The following WIPF3 variants were observed in gnomAD, a reference collection of about 807,000 sequenced individuals.
WIPF3 encodes WAS/WASL interacting protein family member 3, also known as WAS/WASL-interacting protein family member 3.
WIPF3 carries 33 observed loss-of-function variants against 38.9 expected under a neutral mutation model. That is an observed-to-expected ratio of 0.85 (90% CI 0.64 to 1.14). The LOEUF is 1.14. Among genes scored for constraint, WIPF3 ranks in the 50% most tolerant of loss-of-function variants. The probability of loss-of-function intolerance (pLI) is 0.00; values close to 1 mark genes in which losing one functional copy is unlikely to be tolerated. For synonymous variants in WIPF3, 324 were observed against 269.3 expected, an observed-to-expected ratio of 1.20 and a Z score of -1.99; for missense variants, 711 against 652.5, an observed-to-expected ratio of 1.09 and a Z score of -0.98.
At chr7:29,886,765 A>T (rs1434901578) in intron 5 of WIPF3, among the ~76,000 whole-genome samples, 3 of 151,926 alleles carry the variant, frequency 2.0e-5, no homozygotes, top group Admixed American at 6.6e-5. Context: ...TTAATACTGA[A>T]TTTTTTTTAT....
At chr7:29,845,401 A>G (rs1471592284) in intron 2 of WIPF3, among the ~76,000 whole-genome samples, 1 of 152,194 alleles carries the variant, frequency 6.6e-6, no homozygotes, top group African/African-American at 2.4e-5. Context: ...GGCCACACAA[A>G]ATTACTAAGT....
At chr7:29,816,312 T>C (rs998017121) in intron 1 of WIPF3, among the ~76,000 whole-genome samples, 3 of 151,814 alleles carry the variant, frequency 2.0e-5, no homozygotes, top group East Asian at 3.9e-4. Flanking sequence ...TTATTATTAT[T>C]ATTATCATCA....
intron 3 of WIPF3, among the ~76,000 whole-genome samples, chr7:29,877,649 A>G (rs2286143): frequency 0.027 from 4,090 of 152,284 alleles, 103 homozygotes; most frequent in East Asian, 0.069. Flanking sequence ...GATTGTCCAC[A>G]TGGGAGGCTG....
At chr7:29,890,292 C>T (rs1040382687) in intron 7 of WIPF3, among the ~76,000 whole-genome samples, 13 of 149,472 alleles carry the variant, frequency 8.7e-5, no homozygotes, top group African/African-American at 3.2e-4. Flanking sequence ...TTGGAGGCTG[C>T]AGTGAGCTAT....
intron 1 of WIPF3, among the ~76,000 whole-genome samples, chr7:29,826,128 G>C (rs1303134410): frequency 2.0e-5 from 3 of 152,190 alleles, no homozygotes; most frequent in South Asian, 2.1e-4. Flanking sequence ...CTATGGGAGA[G>C]AGAATGCTTT....
chr7:29,882,621 G>A (rs1785744566), intron 4 of WIPF3, among the ~76,000 whole-genome samples: 1 of 152,150 alleles, frequency 6.6e-6, no homozygotes. Flanking sequence ...AGTACTTTAA[G>A]TGTATGGCTT....
intron 2 of WIPF3, among the ~76,000 whole-genome samples, chr7:29,838,485 A>G (rs1784855127): frequency 1.3e-5 from 2 of 152,184 alleles, no homozygotes; most frequent in South Asian, 4.1e-4. Flanking sequence ...GAAACAAAAA[A>G]CAACCCACAT....
intron 2 of WIPF3, among the ~76,000 whole-genome samples, chr7:29,852,526 G>A (rs1484447443): frequency 1.3e-5 from 2 of 152,182 alleles, no homozygotes; most frequent in African/African-American, 4.8e-5. Context: ...TATTATTCTT[G>A]CTTTAACAAG....
intron 6 of WIPF3, among the ~76,000 whole-genome samples, chr7:29,888,734 G>A (rs932511179): frequency 6.6e-6 from 1 of 152,176 alleles, no homozygotes; most frequent in Non-Finnish European, 1.5e-5. Context: ...CAGAGGCCCA[G>A]ATCACAAAGC....
intron 2 of WIPF3, among the ~76,000 whole-genome samples, chr7:29,836,820 C>G (rs1248374799): frequency 6.6e-6 from 1 of 151,978 alleles, no homozygotes; most frequent in Non-Finnish European, 1.5e-5. Flanking sequence ...TAAACCCCAT[C>G]TCTACTAAAA....
intron 2 of WIPF3, among the ~76,000 whole-genome samples, chr7:29,862,575 A>G (rs1679665758): frequency 6.6e-6 from 1 of 152,210 alleles, no homozygotes; most frequent in Non-Finnish European, 1.5e-5. Context: ...TGAGCTGTGC[A>G]AAGAGTCGGC....
intron 1 of WIPF3, among the ~76,000 whole-genome samples, chr7:29,833,212 G>C (rs1221841196): frequency 6.6e-6 from 1 of 152,186 alleles, no homozygotes; most frequent in East Asian, 1.9e-4. Context: ...GTTTCTGTTT[G>C]GGATGATGAA....
chr7:29,897,994 C>T (rs1786187915), intron 7 of WIPF3, among the ~76,000 whole-genome samples: 2 of 152,106 alleles, frequency 1.3e-5, no homozygotes, highest in Admixed American at 1.3e-4. Flanking sequence ...TTTTTCTGCT[C>T]TTCTCTTAGC....
chr7:29,900,776 T>G (rs749503762), intron 7 of WIPF3, among the ~76,000 whole-genome samples: 14 of 152,234 alleles, frequency 9.2e-5, no homozygotes, highest in Non-Finnish European at 1.8e-4. Flanking sequence ...TGGCCTGCCC[T>G]GTTTACAGCT....
rs141258047 is a variant in WIPF3, at chr7:29,812,988, C to T, written c.-58+6310C>T. On this transcript the variant is annotated intron_variant, in intron 1 of 8. Transcript: ENST00000242140. ...ATTTCAGATCTGAATTTCCATTTGCCAAAAGCACCTCAAACTCAAAATGTT... is the reference window on the plus strand; with the variant it reads ...ATTTCAGATCTGAATTTCCATTTGCTAAAAGCACCTCAAACTCAAAATGTT... Among the ~76,000 whole-genome samples the T allele has an allele frequency of 4.6e-5, 7 of 152,300 alleles. No homozygotes were observed. In the East Asian group the frequency reaches 1.3e-3, roughly 29 times the overall value.
intron 1 of WIPF3, among the ~76,000 whole-genome samples, chr7:29,809,403 C>G (rs541215605): frequency 6.6e-6 from 1 of 152,228 alleles, no homozygotes; most frequent in Non-Finnish European, 1.5e-5. Context: ...GCAAGTTTGC[C>G]TTGTCACAGT....
intron 2 of WIPF3, among the ~76,000 whole-genome samples, chr7:29,854,775 C>T (rs1012607181): frequency 1.3e-5 from 2 of 152,146 alleles, no homozygotes; most frequent in Admixed American, 1.3e-4. Flanking sequence ...AAATCCTAAC[C>T]CCCAGTGCCT....
chr7:29,869,435 A>G (rs530185221), intron 2 of WIPF3, among the ~76,000 whole-genome samples: 61 of 152,268 alleles, frequency 4.0e-4, no homozygotes, highest in Non-Finnish European at 3.5e-4. Flanking sequence ...ATTTCTATTT[A>G]CCATCTTTTC....
chr7:29,819,518 TA>T (rs1655963629), intron 1 of WIPF3, among the ~76,000 whole-genome samples: 1 of 152,100 alleles, frequency 6.6e-6, no homozygotes. Context: ...TCCTAATTCC[TA>T]AATATCTGGT....
Sources: allele counts gnomAD v4.1 joint callset (sites outside exome capture counted in the v4.1 genomes callset), GRCh38; gene constraint gnomAD v4.1.1; transcripts MANE v1.5; gene names NCBI Gene and HGNC (gene_info 2026-07-23, HGNC 2026-07-21).